The following DPP6 variants were observed in gnomAD, a reference collection of about 807,000 sequenced individuals.
The protein encoded by DPP6 is A-type potassium channel modulatory protein DPP6.
A neutral mutation model predicts 122.6 loss-of-function variants in DPP6; 69 were observed. The observed-to-expected ratio is 0.56, with a 90% CI of 0.46 to 0.69. DPP6 has a LOEUF of 0.69. DPP6 is among the 30% of genes least tolerant of loss of function. The pLI, the probability that DPP6 is intolerant of heterozygous loss-of-function variation, is 0.00. For missense variants in DPP6, 928 were observed against 1,116.9 expected (o/e 0.83, Z 2.41); for synonymous variants, 418 against 433.1 (o/e 0.97, Z 0.43).
At chr7:154,010,283 C>T (rs1436291337) in intron 1 of DPP6, among the ~76,000 whole-genome samples, 4 of 152,206 alleles carry the variant, frequency 2.6e-5, no homozygotes, top group African/African-American at 4.8e-5. Context: ...CATGTGCATA[C>T]GACTTTCATC....
chr7:153,853,922 T>G, the DPP6 span, among the ~76,000 whole-genome samples: 3 of 149,866 alleles, frequency 2.0e-5, no homozygotes, highest in African/African-American at 7.4e-5. Flanking sequence ...TCCTTGCCCA[T>G]GCCTATGTCC....
At chr7:154,672,318 G>A (rs1838619759) in intron 7 of DPP6, among the ~76,000 whole-genome samples, 1 of 152,186 alleles carries the variant, frequency 6.6e-6, no homozygotes, top group South Asian at 2.1e-4. Context: ...AGCAGCATGA[G>A]AACAAACTAA....
chr7:153,763,025 T>G, the DPP6 span, among the ~76,000 whole-genome samples: 1 of 152,080 alleles, frequency 6.6e-6, no homozygotes, highest in Admixed American at 6.6e-5. Context: ...CCGTGCATGG[T>G]CATGAGCAGC....
the DPP6 span, among the ~76,000 whole-genome samples, chr7:153,816,717 G>A: frequency 6.6e-6 from 1 of 152,030 alleles, no homozygotes; most frequent in African/African-American, 2.4e-5. Flanking sequence ...TCCCAGTAGA[G>A]GAATCCATGG....
intron 1 of DPP6, among the ~76,000 whole-genome samples, chr7:154,203,314 A>G (rs909057956): frequency 6.6e-6 from 1 of 152,190 alleles, no homozygotes; most frequent in Non-Finnish European, 1.5e-5. Context: ...CCAAAGCCCC[A>G]TCACTGAAGG....
chr7:154,425,604 ATGTGTGTGTGTGTGTGGGTGTGTGTG>A (rs1817823993), intron 1 of DPP6, among the ~76,000 whole-genome samples: 1 of 128,236 alleles, frequency 7.8e-6, no homozygotes. Context: ...GGGGAAAAAA[ATGTGTGTGTGTGTGTGGGTGTGTGTG>A]TGTGTGTGTG....
intron 1 of DPP6, among the ~76,000 whole-genome samples, chr7:153,936,256 A>G (rs2129015111): frequency 6.6e-6 from 1 of 152,290 alleles, no homozygotes; most frequent in East Asian, 1.9e-4. Flanking sequence ...TGATGCAGAA[A>G]AAAACACCTC....
In DPP6 at chr7:154,486,852, G is replaced by A. The variant is rs182259469; in HGVS notation, c.457+11815G>A. Among the ~76,000 whole-genome samples, 194 of 152,266 alleles carry A rather than the reference G, an allele frequency of 1.3e-3. No homozygotes were observed. The highest frequency in any genetic ancestry group is 0.01 in the Middle Eastern group (3 of 294). Reference sequence around the variant, plus strand: ...TCCTCTGCCTGTAGGTCCTCTGGGCGGACTCTAGTTCCTAACTGATGGATG... The same window carrying A: ...TCCTCTGCCTGTAGGTCCTCTGGGCAGACTCTAGTTCCTAACTGATGGATG... On this transcript the variant is annotated intron_variant, in intron 3 of 25. Transcript: ENST00000377770. The surrounding 1 kb of genome is among the most constrained non-coding windows in gnomAD (Gnocchi z 4.5).
At chr7:154,876,643 A>AAG (rs1354912051) in intron 20 of DPP6, among the ~76,000 whole-genome samples, 1 of 152,198 alleles carries the variant, frequency 6.6e-6, no homozygotes, top group African/African-American at 2.4e-5. Context: ...CTGACTCAGC[A>AAG]AGAGCAACCG....
At chr7:154,769,989 G>A (rs929697007) in intron 9 of DPP6, among the ~76,000 whole-genome samples, 19 of 152,108 alleles carry the variant, frequency 1.2e-4, no homozygotes, top group African/African-American at 3.1e-4. Flanking sequence ...TCACTGCTAC[G>A]GGCTAAATGT....
chr7:154,314,904 G>C (rs1807299758), intron 1 of DPP6, among the ~76,000 whole-genome samples: 1 of 152,232 alleles, frequency 6.6e-6, no homozygotes, highest in Non-Finnish European at 1.5e-5. Flanking sequence ...CTGGAGGTCA[G>C]TTAAGAAAAG....
chr7:154,402,965 A>C (rs982543771), intron 1 of DPP6, among the ~76,000 whole-genome samples: 8 of 152,206 alleles, frequency 5.3e-5, no homozygotes, highest in Admixed American at 5.2e-4. Flanking sequence ...TGTTCAAGGA[A>C]CAACTATAGT....
intron 1 of DPP6, among the ~76,000 whole-genome samples, chr7:154,063,154 CTATCCCCTTTT>C (rs1802277208): frequency 7.9e-6 from 1 of 127,014 alleles, no homozygotes; most frequent in African/African-American, 2.9e-5. Flanking sequence ...GGACTGAGAG[CTATCCCCTTTT>C]CCGCCCCTGG....
rs1009149030 is a variant in DPP6 at position 154,624,103 on chromosome 7, G to A, written c.628-13718G>A. Among the ~76,000 whole-genome samples, 3 of 152,170 alleles carry A rather than the reference G, an allele frequency of 2.0e-5. No homozygotes were observed. Among genetic ancestry groups the A allele is most frequent in the Admixed American group, 1.3e-4 (2 of 15,276 alleles). ...CCAGCATTTGGAGAGGCCAAGGCGG[G>A]TGGATCATGAGATCAGGAGTTCAAG... On this transcript the variant is annotated intron_variant, in intron 5 of 25. Coordinates refer to ENST00000377770, the MANE Select transcript of DPP6 (RefSeq NM_130797.4). The surrounding 1 kb of genome is among the most constrained non-coding windows in gnomAD (Gnocchi z 4.7).
intron 6 of DPP6, among the ~76,000 whole-genome samples, chr7:154,646,210 A>G (rs1196655877): frequency 6.6e-6 from 1 of 152,048 alleles, no homozygotes; most frequent in Non-Finnish European, 1.5e-5. Flanking sequence ...GGAGCTCTAC[A>G]TTTAAAAATA....
In DPP6 at chr7:154,154,225, C is replaced by T. The variant is rs1327470282; in HGVS notation, c.243+101162C>T. The stretch of plus-strand genomic sequence containing the variant: ...TATATTGTGGAAATATTCCATACTT[C>T]GCTGGGATATTTTCACTGAAATCGT... On this transcript the variant is annotated intron_variant, in intron 1 of 25. Transcript: ENST00000377770. Among the ~76,000 whole-genome samples the T allele has an allele frequency of 8.5e-5, 13 of 152,336 alleles. No homozygotes were observed. The East Asian group carries it at 2.1e-3, about 25-fold the overall frequency.
intron 1 of DPP6, among the ~76,000 whole-genome samples, chr7:154,250,449 A>G (rs1457055621): frequency 2.0e-5 from 3 of 151,906 alleles, no homozygotes; most frequent in Non-Finnish European, 4.4e-5. Context: ...TGCATTGCCC[A>G]GAGAGTTTAT....
At chr7:154,587,875 C>T (rs534137305) in intron 5 of DPP6, 8 of 1,612,894 alleles carry the variant, frequency 5.0e-6, no homozygotes, top group Admixed American at 3.3e-5. Context: ...TTCAGATATT[C>T]CATGGAGACC....
At chr7:154,884,828 C>T (rs999586502) in intron 21 of DPP6, 7 of 152,318 alleles carry the variant, frequency 4.6e-5, no homozygotes, top group Admixed American at 3.3e-4. Context: ...CACAGGATTA[C>T]ACATGCTCAC....
Sources: allele counts gnomAD v4.1 joint callset (sites outside exome capture counted in the v4.1 genomes callset), GRCh38; gene constraint gnomAD v4.1.1; non-coding constraint Gnocchi (gnomAD v3.1); transcripts MANE v1.5; gene names NCBI Gene and HGNC (gene_info 2026-07-23, HGNC 2026-07-21).